The following CA13 variants were observed in gnomAD, a reference collection of about 807,000 sequenced individuals.
The protein encoded by CA13 is carbonic anhydrase 13.
CA13 carries 21 observed loss-of-function variants against 31.5 expected under a neutral mutation model. The observed-to-expected ratio is 0.67, with a 90% CI of 0.47 to 0.96. The LOEUF is 0.96. Ranked by LOEUF, CA13 falls within the 40% of genes least tolerant of loss-of-function variation. CA13 has a pLI of 0.00. For missense variants in CA13, 315 were observed against 318.9 expected, an observed-to-expected ratio of 0.99 and a Z score of 0.09; for synonymous variants, 117 against 111.4, an observed-to-expected ratio of 1.05 and a Z score of -0.32.
Position 85,266,714 on chromosome 8 carries a change from A to G in CA13, c.450+11A>G, listed in dbSNP as rs1807462785. ...GGAGTGTTTTTACAGGTGAGAATCTACTGTTTTCATTTTAAATGATCAGCC... is the reference window on the plus strand; with the variant it reads ...GGAGTGTTTTTACAGGTGAGAATCTGCTGTTTTCATTTTAAATGATCAGCC... On this transcript the variant is annotated intron_variant, in intron 4 of 6. Coordinates refer to ENST00000321764, the MANE Select transcript of CA13 (RefSeq NM_198584.3). The G allele has an allele frequency of 4.4e-6, 7 of 1,594,154 alleles. No individual in the cohort carries two copies. The highest frequency in any genetic ancestry group is 1.7e-5 in the Admixed American group (1 of 59,632).
chr8:85,269,002 A>T (rs1029412095), intron 6 of CA13, among the ~76,000 whole-genome samples: 1 of 152,218 alleles, frequency 6.6e-6, no homozygotes, highest in African/African-American at 2.4e-5. Flanking sequence ...GAGAGCGGCT[A>T]CTTATAGAAG....
At chr8:85,266,303 G>A (rs1240964821) in intron 3 of CA13, among the ~76,000 whole-genome samples, 2 of 152,156 alleles carry the variant, frequency 1.3e-5, no homozygotes, top group African/African-American at 2.4e-5. Context: ...TGATTCTCCT[G>A]CCTCAGCCTC....
chr8:85,268,674 G>T, intron 6 of CA13, 47 bp downstream of exon 6: 1 of 1,376,322 alleles, frequency 7.3e-7, no homozygotes, highest in South Asian at 1.4e-5. Context: ...AGAGGAAACT[G>T]GGCTTTTTTT....
intron 1 of CA13, 93 bp downstream of exon 1, chr8:85,245,958 C>A: frequency 1.4e-6 from 2 of 1,432,976 alleles, no homozygotes; most frequent in Non-Finnish European, 2.0e-6. Flanking sequence ...ACACTGGGCT[C>A]GCACATTGAG....
chr8:85,253,172 C>T (rs1219088210), intron 2 of CA13, among the ~76,000 whole-genome samples: 2 of 151,994 alleles, frequency 1.3e-5, no homozygotes, highest in Admixed American at 6.6e-5. Context: ...TTCGAACTCC[C>T]GACCTCAGGT....
rs777416652 is a variant in CA13, at chr8:85,245,799, A to C, written c.-30A>C. The stretch of plus-strand genomic sequence containing the variant: ...CTCCTCTTTCTCGCTGCTCAGTCAC[A>C]TCTTTCTCTTCCTTCCACCCCGAGG... On this transcript the variant is annotated 5_prime_UTR_variant, in exon 1 of 7. Coordinates refer to ENST00000321764, the MANE Select transcript of CA13 (RefSeq NM_198584.3). 16 of 1,613,380 alleles carry C rather than the reference A, an allele frequency of 9.9e-6. No homozygotes were observed. The highest frequency in any genetic ancestry group is 1.4e-5 in the Non-Finnish European group (16 of 1,179,472).
Position 85,254,698 on chromosome 8 carries a change from A to G in CA13, c.235+3761A>G, listed in dbSNP as rs917787031. 2.0e-4 allele frequency among the ~76,000 whole-genome samples: 30 copies of G among 152,136 alleles called. 2 individuals carry two copies. Among genetic ancestry groups the G allele is most frequent in the Middle Eastern group, 6.8e-3 (2 of 292 alleles). Reference sequence around the variant, plus strand: ...TCTTATTCTTTTTTTCTCAAGATAAACCAAAAGAGATTGTTTCATGGTGAT... The same window carrying G: ...TCTTATTCTTTTTTTCTCAAGATAAGCCAAAAGAGATTGTTTCATGGTGAT... On this transcript the variant is annotated intron_variant, in intron 2 of 6. Coordinates refer to ENST00000321764, the MANE Select transcript of CA13 (RefSeq NM_198584.3).
chr8:85,280,860 A>G lies in CA13; in HGVS notation c.670-370A>G, dbSNP rs572716501. Among the ~76,000 whole-genome samples, 3 of 152,350 alleles carry G rather than the reference A, an allele frequency of 2.0e-5. No individual in the cohort carries two copies. In the South Asian group the frequency reaches 6.2e-4, roughly 32 times the overall value. On this transcript the variant is annotated intron_variant, in intron 6 of 6. Transcript: ENST00000321764. ...TGAAAAAATTAGGTTTCAAAACAGC[A>G]TATATAGTTGAGTTCATTTTTGTCA...
In CA13 at chr8:85,281,545, C is replaced by T. The variant is rs1251709028; in HGVS notation, c.*196C>T. 2 of 1,244,716 alleles carry T rather than the reference C, an allele frequency of 1.6e-6. No individual in the cohort carries two copies. The highest frequency in any genetic ancestry group is 2.0e-6 in the Non-Finnish European group (2 of 977,164). The allele number at this position is 1,244,716 out of a possible 1,614,324, so 77.1% of individuals were successfully genotyped here. On this transcript the variant is annotated 3_prime_UTR_variant, in exon 7 of 7. Coordinates refer to ENST00000321764, the MANE Select transcript of CA13 (RefSeq NM_198584.3). ...TATTTTTTTTAGTGATAGAGTCTCACTCTGTCACCCAGGCTGGAGGGCAGT... is the reference window on the plus strand; with the variant it reads ...TATTTTTTTTAGTGATAGAGTCTCATTCTGTCACCCAGGCTGGAGGGCAGT...
At chr8:85,275,789 C>T (rs1431286182) in intron 6 of CA13, among the ~76,000 whole-genome samples, 1 of 152,236 alleles carries the variant, frequency 6.6e-6, no homozygotes, top group African/African-American at 2.4e-5. Flanking sequence ...TCAACACATT[C>T]CTCGATCAAG....
At chr8:85,254,695 T>G (rs1361275635) in intron 2 of CA13, among the ~76,000 whole-genome samples, 1 of 150,358 alleles carries the variant, frequency 6.7e-6, no homozygotes, top group African/African-American at 2.4e-5. Flanking sequence ...TTTCTCAAGA[T>G]AAACCAAAAG....
Position 85,264,959 on chromosome 8 carries a change from T to C in CA13, c.355-1649T>C, listed in dbSNP as rs192266545. On this transcript the variant is annotated intron_variant, in intron 3 of 6. Coordinates refer to ENST00000321764, the MANE Select transcript of CA13 (RefSeq NM_198584.3). ...TATATTGCACAGTCTTCCTTGATTG[T>C]TTGTGCATGATGCACTGTTTTATAG... Among the ~76,000 whole-genome samples, 166 of 152,356 alleles carry C rather than the reference T, an allele frequency of 1.1e-3. 2 individuals carry two copies. Among genetic ancestry groups the C allele is most frequent in the Non-Finnish European group, 1.2e-4 (8 of 68,026 alleles).
chr8:85,279,810 G>A (rs1807671140), intron 6 of CA13, among the ~76,000 whole-genome samples: 1 of 152,132 alleles, frequency 6.6e-6, no homozygotes, highest in Non-Finnish European at 1.5e-5. Flanking sequence ...AGAAGGCTAG[G>A]TATCTTTCCT....
intron 1 of CA13, among the ~76,000 whole-genome samples, chr8:85,249,499 A>T (rs1367121758): frequency 6.6e-6 from 1 of 151,716 alleles, no homozygotes; most frequent in Non-Finnish European, 1.5e-5. Context: ...TGTCTCAAAA[A>T]AAAAAAAAAA....
rs189287334 is a variant in CA13 at position 85,253,170 on chromosome 8, C to T, written c.235+2233C>T. On this transcript the variant is annotated intron_variant, in intron 2 of 6. Coordinates refer to ENST00000321764, the MANE Select transcript of CA13 (RefSeq NM_198584.3). Reference sequence around the variant, plus strand: ...ATGTTAATCAGGCTGGTTTCGAACTCCCGACCTCAGGTGATCCGCCCGCCT... The same window carrying T: ...ATGTTAATCAGGCTGGTTTCGAACTTCCGACCTCAGGTGATCCGCCCGCCT... 5.1e-3 allele frequency among the ~76,000 whole-genome samples: 778 copies of T among 152,098 alleles called. 4 individuals carry two copies. Among genetic ancestry groups the T allele is most frequent in the East Asian group, 0.024 (124 of 5,182 alleles).
rs368579836 is a variant in CA13 at position 85,281,265 on chromosome 8, G to A, written c.705G>A (p.Glu235=). 4 of 1,614,048 alleles carry A rather than the reference G, an allele frequency of 2.5e-6. No homozygotes were observed. The highest frequency in any genetic ancestry group is 3.4e-6 in the Non-Finnish European group (4 of 1,179,978). The part of the protein sequence containing the change: ...AKFRSLLCTA[E]GEAAAFLVSN... ...TTCGCAGTCTCCTGTGCACAGCGGA[G>A]GGTGAAGCAGCAGCTTTTCTGGTGA... The change falls in exon 7 of 7, where the codon GAG becomes GAA. Residue 235 remains glutamate (E), a synonymous_variant. Transcript: ENST00000321764.
At position 85,281,122 on chromosome 8, in the gene CA13, T is replaced by G. The variant is rs563535775; in HGVS notation, c.670-108T>G. ...ATGACATGTAACAGAAAATTTTCATTGCAGTATTTTTTGTTCCTGGTTATA... is the reference window on the plus strand; with the variant it reads ...ATGACATGTAACAGAAAATTTTCATGGCAGTATTTTTTGTTCCTGGTTATA... On this transcript the variant is annotated intron_variant, in intron 6 of 6. Transcript: ENST00000321764. 2.4e-5 allele frequency: 31 copies of G among 1,316,902 alleles called. No homozygotes were observed. The East Asian group carries it at 6.5e-4, about 27-fold the overall frequency. 81.6% of individuals were successfully genotyped at this position (1,316,902 alleles called of 1,614,324 possible). A position where few individuals can be genotyped will look rare whatever the true frequency, so the allele number is the denominator to read the frequency against.
intron 3 of CA13, among the ~76,000 whole-genome samples, chr8:85,261,205 A>G (rs1236056477): frequency 6.6e-6 from 1 of 152,204 alleles, no homozygotes; most frequent in Non-Finnish European, 1.5e-5. Context: ...AAAATTTATA[A>G]TGCAAATTTC....
chr8:85,246,008 G>T, intron 1 of CA13, 143 bp downstream of exon 1: 1 of 931,216 alleles, frequency 1.1e-6, no homozygotes. Flanking sequence ...CAGCACTCCT[G>T]GGAGCCCAGT....
Sources: allele counts gnomAD v4.1 joint callset (sites outside exome capture counted in the v4.1 genomes callset), GRCh38; gene constraint gnomAD v4.1.1; transcripts MANE v1.5; gene names NCBI Gene and HGNC (gene_info 2026-07-23, HGNC 2026-07-21).